The following TMCO6 variants were observed in gnomAD, a reference collection of about 807,000 sequenced individuals.
TMCO6 encodes transmembrane and coiled-coil domains 6, also known as transmembrane and coiled-coil domain-containing protein 6.
In TMCO6, 47 loss-of-function variants were observed where a neutral mutation model predicts 61.8. The observed-to-expected ratio is 0.76, with a 90% confidence interval of 0.60 to 0.97. The LOEUF (loss-of-function observed/expected upper bound fraction) is 0.97, where lower values mean the gene tolerates loss of function less well. Ranked by LOEUF, TMCO6 falls within the 50% of genes least tolerant of loss-of-function variation. The pLI is 0.00. For synonymous variants in TMCO6, 261 were observed against 254.2 expected (o/e 1.03, Z -0.25); for missense variants, 557 against 601.6 (o/e 0.93, Z 0.78).
At chr5:140,639,128 T>TC, upstream of TMCO6, 1 of 187,570 alleles carries the variant, frequency 5.3e-6, no homozygotes, top group Non-Finnish European at 1.1e-5. Context: ...TCATGGCGCT[T>TC]CCCGCAGTTC....
chr5:140,607,261 A>G, the TMCO6 span, among the ~76,000 whole-genome samples: 14 of 152,294 alleles, frequency 9.2e-5, 1 homozygote, highest in South Asian at 2.9e-3. Flanking sequence ...CTTACCTATT[A>G]TAGATACTCA....
At chr5:140,642,491 GTAGCTCCAGCCTC>G in intron 5 of TMCO6, 72 bp downstream of exon 5, 1 of 1,603,302 alleles carries the variant, frequency 6.2e-7, no homozygotes, top group Non-Finnish European at 8.5e-7. Context: ...CTTTGGTTAG[GTAGCTCCAGCCTC>G]TGCCCTGTGC....
downstream of TMCO6, among the ~76,000 whole-genome samples, chr5:140,646,313 G>A (rs201857315): frequency 7.8e-4 from 119 of 152,180 alleles, no homozygotes; most frequent in Middle Eastern, 6.8e-3. Context: ...ACCCAGCTGG[G>A]TACCCATTCT....
the TMCO6 span, among the ~76,000 whole-genome samples, chr5:140,618,223 A>G: frequency 5.9e-5 from 9 of 152,248 alleles, no homozygotes; most frequent in South Asian, 1.9e-3. Context: ...TGAGGTCAGG[A>G]GTTCGAAACC....
chr5:140,643,456 CA>C (rs1464383552), intron 7 of TMCO6, 107 bp from the exon 8 acceptor site: 3 of 1,065,492 alleles, frequency 2.8e-6, no homozygotes, highest in East Asian at 2.4e-5. Context: ...CTCAGCCTCC[CA>C]AAGTGCTGGG....
At chr5:140,626,287 G>A in the TMCO6 span, among the ~76,000 whole-genome samples, 1 of 151,722 alleles carries the variant, frequency 6.6e-6, no homozygotes. Flanking sequence ...ATGCAATGGT[G>A]TACTATTAAT....
rs188694502 is a variant in TMCO6, at chr5:140,641,348, G to A, written c.199-317G>A. On this transcript the variant is annotated intron_variant, in intron 2 of 11. Transcript: ENST00000394671. ...ATGGGGAGAATGGCTAGAGGAGTAG[G>A]TTTTGCCAGGCTGAGAGGTTTAAAT... The A allele has an allele frequency of 1.4e-3, 396 of 285,398 alleles. 2 individuals are homozygous for A. Among genetic ancestry groups the A allele is most frequent in the Non-Finnish European group, 1.6e-3 (239 of 147,390 alleles). 17.7% of individuals were successfully genotyped at this position (285,398 alleles called of 1,614,324 possible). A position where few individuals can be genotyped will look rare whatever the true frequency, so the allele number is the denominator to read the frequency against.
At chr5:140,644,474 C>T (rs1757265264) in intron 10 of TMCO6, 99 bp from the exon 11 acceptor site, 1 of 1,409,340 alleles carries the variant, frequency 7.1e-7, no homozygotes, top group Non-Finnish European at 9.8e-7. Context: ...AAGAGCTTGG[C>T]ATGGTGCCTG....
At chr5:140,637,607 C>T (rs551254676), upstream of TMCO6, among the ~76,000 whole-genome samples, 6 of 152,222 alleles carry the variant, frequency 3.9e-5, no homozygotes, top group South Asian at 4.1e-4. Context: ...AGGGGTTGAA[C>T]GTGCCTCATT....
the TMCO6 span, among the ~76,000 whole-genome samples, chr5:140,608,439 C>T: frequency 6.6e-6 from 1 of 152,156 alleles, no homozygotes. Context: ...CATTTTCTCC[C>T]ATTTTGTAGG....
chr5:140,632,497 C>T, the TMCO6 span: 3 of 1,613,858 alleles, frequency 1.9e-6, no homozygotes, highest in South Asian at 2.2e-5. The surrounding 1 kb of genome is among the most constrained non-coding windows in gnomAD (Gnocchi z 6.2). Flanking sequence ...TGCTGCAGCT[C>T]GGCGAGCCAA....
the TMCO6 span, among the ~76,000 whole-genome samples, chr5:140,622,123 C>T: frequency 6.6e-6 from 1 of 152,018 alleles, no homozygotes; most frequent in Non-Finnish European, 1.5e-5. Flanking sequence ...TTTGAAAATC[C>T]CTAATAAAAA....
the TMCO6 span, among the ~76,000 whole-genome samples, chr5:140,599,850 G>A: frequency 9.2e-4 from 140 of 152,294 alleles, no homozygotes; most frequent in African/African-American, 3.1e-3. Context: ...ACAGTGAGCA[G>A]TGAGCCAAGA....
Position 140,644,997 on chromosome 5 carries a change from T to C in TMCO6, c.1381T>C (p.Phe461Leu), listed in dbSNP as rs753598399. The change falls in exon 12 of 12, where the codon TTC becomes CTC. Residue 461 changes from phenylalanine (F) to leucine (L), a missense_variant. Coordinates refer to ENST00000394671, the MANE Select transcript of TMCO6 (RefSeq NM_018502.5). ...FLYQPEAVQV[F>L]LQQSGLQALE... Reference sequence around the variant, plus strand: ...TCCCTGCCCCTAGGCTGTTCAGGTCTTCCTGCAGCAGTCAGGGCTGCAAGC... The same window carrying C: ...TCCCTGCCCCTAGGCTGTTCAGGTCCTCCTGCAGCAGTCAGGGCTGCAAGC... The C allele has an allele frequency of 1.2e-6, 2 of 1,614,090 alleles. No individual in the cohort carries two copies. Among genetic ancestry groups the C allele is most frequent in the African/African-American group, 2.7e-5 (2 of 74,952 alleles).
the TMCO6 span, among the ~76,000 whole-genome samples, chr5:140,624,955 G>A: frequency 1.3e-5 from 2 of 150,730 alleles, no homozygotes; most frequent in South Asian, 4.2e-4. Context: ...CCAGGTACAA[G>A]TGATTCTTCT....
At chr5:140,647,612 A>T, downstream of TMCO6, 1 of 1,603,542 alleles carries the variant, frequency 6.2e-7, no homozygotes. Context: ...CGCCAATTCC[A>T]GGTCTTCAGG....
chr5:140,628,415 C>T, the TMCO6 span, among the ~76,000 whole-genome samples: 2 of 152,118 alleles, frequency 1.3e-5, no homozygotes, highest in East Asian at 3.9e-4. Context: ...ATGCCTCTGA[C>T]AGATGCACTT....
the TMCO6 span, among the ~76,000 whole-genome samples, chr5:140,619,415 A>G: frequency 1.3e-5 from 2 of 152,324 alleles, no homozygotes; most frequent in South Asian, 2.1e-4. Flanking sequence ...AGGTGGGGGG[A>G]AAGTCTCTTG....
the TMCO6 span, among the ~76,000 whole-genome samples, chr5:140,597,924 C>T: frequency 6.6e-6 from 1 of 152,322 alleles, no homozygotes; most frequent in Admixed American, 6.5e-5. Flanking sequence ...ATGCTTCTGG[C>T]ACCTGCAGAT....
Sources: gnomAD v4.1 joint callset for allele counts (sites outside exome capture counted in the v4.1 genomes callset) on GRCh38, gnomAD v4.1.1 for gene constraint, Gnocchi (gnomAD v3.1) non-coding constraint, MANE v1.5 for transcripts, NCBI Gene and HGNC (gene_info 2026-07-23, HGNC 2026-07-21) for gene names.